Variants in CABIN1 observed in about 807,000 individuals in gnomAD.
CABIN1 encodes calcineurin-binding protein cabin-1.
A neutral mutation model predicts 227.7 loss-of-function variants in CABIN1; 133 were observed. The ratio of observed to expected loss-of-function variants is 0.58; its 90% CI spans 0.51 to 0.67. CABIN1 has a LOEUF of 0.67. Among genes scored for constraint, CABIN1 ranks in the 30% least tolerant of loss-of-function variants. The pLI, the probability that CABIN1 is intolerant of heterozygous loss-of-function variation, is 0.00. For synonymous variants in CABIN1, 1,086 were observed against 1,155.1 expected (o/e 0.94, Z 1.21); for missense variants, 2,408 against 2,852.5 (o/e 0.84, Z 3.55).
chr22:24,133,547 G>C (rs2044207258), intron 28 of CABIN1, among the ~76,000 whole-genome samples: 1 of 152,214 alleles, frequency 6.6e-6, no homozygotes, highest in African/African-American at 2.4e-5. Flanking sequence ...AAGGGTAGAG[G>C]GTCTGGCATT....
chr22:24,172,097 C>T, intron 34 of CABIN1, 102 bp downstream of exon 34: 3 of 1,393,964 alleles, frequency 2.2e-6, no homozygotes. Context: ...AAGCAGTGCC[C>T]TCCCGCCCAG....
chr22:24,065,807 G>T (rs2039620229), intron 15 of CABIN1, among the ~76,000 whole-genome samples: 1 of 152,292 alleles, frequency 6.6e-6, no homozygotes, highest in South Asian at 2.1e-4. Flanking sequence ...CTGGAGACCA[G>T]CCCGGCCAAC....
rs1444997764 is a variant in CABIN1 at position 24,178,138 on chromosome 22, G to A, written c.6605G>A (p.Ser2202Asn). 2 of 1,613,770 alleles carry A rather than the reference G, an allele frequency of 1.2e-6. No homozygotes were observed. The highest frequency in any genetic ancestry group is 1.7e-6 in the Non-Finnish European group (2 of 1,179,976). Residue 2202 changes from serine to asparagine, a missense_variant, in exon 37 of 37, where the codon AGC becomes AAC. Around this residue, in one of 3 missense-constraint regions of CABIN1, gnomAD observed 714 missense variants for 773.8 expected, o/e 0.92. Transcript: ENST00000263119. ...QPALEVLETS[S>N]QESSLESETD... ...GCCCTGGAGGTCCTGGAGACATCCA[G>A]CCAGGAGTCCTCGCTGGAGAGCGAG...
intron 29 of CABIN1, chr22:24,156,217 C>A (rs2045794788): frequency 2.6e-6 from 1 of 388,886 alleles, no homozygotes. Flanking sequence ...CTGGTGGGCT[C>A]TGGCGGCCGC....
In CABIN1 at chr22:24,067,307, C is replaced by G. The variant is rs184918385; in HGVS notation, c.2232+126C>G. The G allele has an allele frequency of 3.5e-4, 333 of 961,270 alleles. 2 individuals are homozygous for G. The highest frequency in any genetic ancestry group is 3.2e-3 in the South Asian group (228 of 71,846). 59.5% of individuals were successfully genotyped at this position (961,270 alleles called of 1,614,324 possible). On this transcript the variant is annotated intron_variant, in intron 16 of 36. Coordinates refer to ENST00000263119, the MANE Select transcript of CABIN1 (RefSeq NM_012295.4). ...GCTAGAAGAGAGTGGATGTCAAAAC[C>G]ACTAAGCCCCCAGGAAGATGTTAGT... is the stretch of plus-strand genomic sequence containing the variant.
chr22:24,133,302 C>T (rs1049993792), intron 28 of CABIN1, among the ~76,000 whole-genome samples: 3 of 152,240 alleles, frequency 2.0e-5, no homozygotes, highest in African/African-American at 7.2e-5. Flanking sequence ...AGTCAGGGAG[C>T]TGGAGTTGCA....
chr22:24,065,896 CGGCAGGCTGA>C (rs2039636922), intron 15 of CABIN1, among the ~76,000 whole-genome samples: 1 of 152,100 alleles, frequency 6.6e-6, no homozygotes, highest in African/African-American at 2.4e-5. Context: ...CGCAGGCACT[CGGCAGGCTGA>C]GGCAGGAGAA....
chr22:24,155,847 G>T, intron 29 of CABIN1: 1 of 428,026 alleles, frequency 2.3e-6, no homozygotes, highest in Non-Finnish European at 4.2e-6. Context: ...CACTTTGCCC[G>T]GCAGCGGTCC....
At chr22:24,114,259 C>G (rs1340524643) in intron 27 of CABIN1, among the ~76,000 whole-genome samples, 1 of 152,172 alleles carries the variant, frequency 6.6e-6, no homozygotes, top group Non-Finnish European at 1.5e-5. Context: ...GGGGTCCAGG[C>G]CCCCTTTATA....
chr22:24,091,588 G>T lies in CABIN1; in HGVS notation c.3531G>T (p.Glu1177Asp). Residue 1177 changes from glutamate (E) to aspartate (D), a missense_variant, in exon 24 of 37, where the codon GAG (glutamate) becomes GAT (aspartate). By Grantham distance (45) the Glu-to-Asp change is conservative (BLOSUM62 2). This residue lies in a region of CABIN1 where 649 missense variants were observed against 910.3 expected (regional missense o/e 0.71). Transcript: ENST00000263119. ...GTCTCATGATCTTCTTACAGATGGA[G>T]GGCCGGCGCGACAGCATGCTAGAGA... Reference protein sequence around the residue: ...ELPPELVQQMEGRRDSMLETA... With the variant: ...ELPPELVQQMDGRRDSMLETA... 6.2e-7 allele frequency: 1 copy of T among 1,614,220 alleles called. No homozygotes were observed. Among genetic ancestry groups the T allele is most frequent in the Non-Finnish European group, 8.5e-7 (1 of 1,180,048 alleles).
At chr22:24,093,931 T>C (rs957501306) in intron 24 of CABIN1, among the ~76,000 whole-genome samples, 1 of 152,176 alleles carries the variant, frequency 6.6e-6, no homozygotes, top group Non-Finnish European at 1.5e-5. Context: ...ACTGGGCTCA[T>C]GGAGAAGTGT....
At chr22:24,066,667 C>T (rs889273955) in intron 15 of CABIN1, among the ~76,000 whole-genome samples, 4 of 152,274 alleles carry the variant, frequency 2.6e-5, no homozygotes, top group Non-Finnish European at 4.4e-5. Flanking sequence ...AAGACTGGTT[C>T]GCCGAACTGT....
intron 3 of CABIN1, among the ~76,000 whole-genome samples, chr22:24,037,129 G>A (rs1210499856): frequency 3.3e-5 from 5 of 151,982 alleles, no homozygotes; most frequent in Admixed American, 6.5e-5. Flanking sequence ...GCGTGGTGGT[G>A]CATGTCTGTA....
At chr22:24,073,158 A>G (rs1023479831) in intron 18 of CABIN1, among the ~76,000 whole-genome samples, 3 of 152,338 alleles carry the variant, frequency 2.0e-5, no homozygotes, top group South Asian at 2.1e-4. Context: ...GTGCAATGGT[A>G]GAAAGTGTGC....
intron 1 of CABIN1, among the ~76,000 whole-genome samples, chr22:24,019,198 T>C (rs961364652): frequency 2.7e-5 from 4 of 148,610 alleles, no homozygotes; most frequent in African/African-American, 7.5e-5. Flanking sequence ...TGGGGCAATC[T>C]TGGCTCACTG....
intron 1 of CABIN1, among the ~76,000 whole-genome samples, chr22:24,031,697 G>C (rs1297816608): frequency 6.6e-6 from 1 of 152,184 alleles, no homozygotes; most frequent in Non-Finnish European, 1.5e-5. Flanking sequence ...GTGAGCAGCA[G>C]AGAGTGGCTG....
At chr22:24,176,411 G>A in intron 35 of CABIN1, 136 bp downstream of exon 35, 2 of 1,025,264 alleles carry the variant, frequency 2.0e-6, no homozygotes, top group African/African-American at 1.6e-5. Context: ...GGGAGGAAAT[G>A]GGGGTAGTGC....
intron 32 of CABIN1, among the ~76,000 whole-genome samples, chr22:24,167,623 A>T (rs1277779095): frequency 6.6e-6 from 1 of 152,226 alleles, no homozygotes; most frequent in Non-Finnish European, 1.5e-5. Flanking sequence ...TGTGGCTGTC[A>T]TCTAAAGATG....
chr22:24,168,161 A>G (rs971935190), intron 32 of CABIN1, among the ~76,000 whole-genome samples: 13 of 152,206 alleles, frequency 8.5e-5, no homozygotes, highest in African/African-American at 3.1e-4. Flanking sequence ...GCTGGGTCCA[A>G]TTCTGGCACC....
Sources: gnomAD v4.1 joint callset for allele counts (sites outside exome capture counted in the v4.1 genomes callset) on GRCh38, gnomAD v4.1.1 for gene constraint, gnomAD v4.1.1 regional missense constraint, MANE v1.5 for transcripts, NCBI Gene and HGNC (gene_info 2026-07-23, HGNC 2026-07-21) for gene names.